PDE1C: variants seen among roughly 807,000 people sequenced by gnomAD.
The protein encoded by PDE1C is phosphodiesterase 1C.
A neutral mutation model predicts 93.1 loss-of-function variants in PDE1C; 62 were observed. That is an observed-to-expected ratio of 0.67 (90% CI 0.54 to 0.82). The LOEUF is 0.82. PDE1C is among the 40% of genes least tolerant of loss of function. PDE1C has a pLI of 0.00. For synonymous variants in PDE1C, 325 were observed against 310.1 expected (o/e 1.05, Z -0.50); for missense variants, 742 against 884.6 (o/e 0.84, Z 2.04).
intron 2 of PDE1C, among the ~76,000 whole-genome samples, chr7:31,970,359 A>T (rs1810770710): frequency 1.3e-5 from 2 of 152,198 alleles, no homozygotes; most frequent in African/African-American, 4.8e-5. Context: ...AACTTCTCAA[A>T]TAGTGAAAAC....
chr7:32,000,702 C>T (rs1346618784), intron 2 of PDE1C, among the ~76,000 whole-genome samples: 5 of 152,222 alleles, frequency 3.3e-5, no homozygotes, highest in African/African-American at 1.2e-4. Flanking sequence ...CTCTTCATAT[C>T]CCCAGCCTTG....
intron 15 of PDE1C, among the ~76,000 whole-genome samples, chr7:31,813,898 A>G (rs770837279): frequency 6.6e-5 from 10 of 152,098 alleles, no homozygotes; most frequent in Non-Finnish European, 1.3e-4. Flanking sequence ...ATGTGTGAGA[A>G]TATACAATGT....
intron 2 of PDE1C, among the ~76,000 whole-genome samples, chr7:32,023,626 GT>G (rs1463291639): frequency 1.5e-5 from 2 of 136,724 alleles, no homozygotes; most frequent in African/African-American, 2.6e-5. Flanking sequence ...GGTATCTACA[GT>G]TTATGCTGCG....
At chr7:32,026,764 C>A (rs1199244305) in intron 2 of PDE1C, among the ~76,000 whole-genome samples, 1 of 151,996 alleles carries the variant, frequency 6.6e-6, no homozygotes, top group Non-Finnish European at 1.5e-5. Context: ...ACCAAGATGT[C>A]CTTTTATAGG....
intron 16 of PDE1C, among the ~76,000 whole-genome samples, chr7:31,793,719 A>T (rs1484296464): frequency 6.6e-6 from 1 of 151,754 alleles, no homozygotes; most frequent in Non-Finnish European, 1.5e-5. Flanking sequence ...AAGAAAAAAC[A>T]ATTTTAAAGT....
intron 1 of PDE1C, among the ~76,000 whole-genome samples, chr7:32,284,633 G>C (rs1368176116): frequency 2.0e-5 from 3 of 152,076 alleles, no homozygotes; most frequent in Non-Finnish European, 2.9e-5. Flanking sequence ...TCTCTGTCTA[G>C]AATGTTCCCA....
chr7:32,385,459 T>G (rs1004669369), intron 1 of PDE1C, among the ~76,000 whole-genome samples: 3 of 152,064 alleles, frequency 2.0e-5, no homozygotes, highest in Non-Finnish European at 4.4e-5. Flanking sequence ...ATCAGGGTGT[T>G]CCTTGGCACT....
intron 16 of PDE1C, among the ~76,000 whole-genome samples, chr7:31,783,106 C>G (rs992756588): frequency 3.3e-5 from 5 of 152,078 alleles, no homozygotes; most frequent in African/African-American, 1.2e-4. Flanking sequence ...GAAAATATTG[C>G]CAAATATACC....
At chr7:32,295,629 C>T (rs576181368) in intron 1 of PDE1C, among the ~76,000 whole-genome samples, 16 of 152,244 alleles carry the variant, frequency 1.1e-4, no homozygotes, top group Admixed American at 4.6e-4. Context: ...CAGTGGCTCA[C>T]GCCTGTAATC....
At chr7:32,161,830 C>T (rs1801944467) in intron 3 of PDE1C, among the ~76,000 whole-genome samples, 1 of 152,156 alleles carries the variant, frequency 6.6e-6, no homozygotes, top group African/African-American at 2.4e-5. Context: ...ATGAATAACT[C>T]ACACTTTGTA....
chr7:32,055,759 C>T (rs1330223852), intron 1 of PDE1C, among the ~76,000 whole-genome samples: 4 of 152,178 alleles, frequency 2.6e-5, no homozygotes, highest in South Asian at 2.1e-4. Context: ...CTCACTCTGT[C>T]GCCCAGGCTG....
chr7:31,736,214 G>T, the PDE1C span, among the ~76,000 whole-genome samples: 2 of 152,184 alleles, frequency 1.3e-5, no homozygotes, highest in South Asian at 2.1e-4. Flanking sequence ...TGTACCAGCA[G>T]GTACTCCCTG....
At chr7:31,939,233 G>A (rs57516262) in intron 2 of PDE1C, among the ~76,000 whole-genome samples, 15,137 of 148,792 alleles carry the variant, frequency 0.1, 1,720 homozygotes, top group African/African-American at 0.3. Context: ...GAAGAAGAAG[G>A]AGGAGGAGGA....
intron 2 of PDE1C, among the ~76,000 whole-genome samples, chr7:32,040,245 C>G (rs968441503): frequency 6.6e-6 from 1 of 152,132 alleles, no homozygotes; most frequent in East Asian, 1.9e-4. Flanking sequence ...CTCTTTTAAC[C>G]CTTACAACAA....
At chr7:32,024,372 C>A (rs539799855) in intron 2 of PDE1C, among the ~76,000 whole-genome samples, 3 of 151,042 alleles carry the variant, frequency 2.0e-5, no homozygotes, top group East Asian at 3.9e-4. Flanking sequence ...AAGGTATATA[C>A]AGATATGTAG....
At chr7:32,197,756 A>G (rs1804720816) in intron 2 of PDE1C, among the ~76,000 whole-genome samples, 1 of 152,188 alleles carries the variant, frequency 6.6e-6, no homozygotes. Flanking sequence ...AGGCAAATCT[A>G]TAAGAAAAGA....
At chr7:31,954,141 G>C (rs756045728) in intron 2 of PDE1C, among the ~76,000 whole-genome samples, 2 of 152,220 alleles carry the variant, frequency 1.3e-5, no homozygotes. Flanking sequence ...ACTTGTTGCT[G>C]GGAATTGGCT....
At chr7:31,957,648 T>G (rs1051985244) in intron 2 of PDE1C, among the ~76,000 whole-genome samples, 2 of 152,218 alleles carry the variant, frequency 1.3e-5, no homozygotes, top group African/African-American at 2.4e-5. Flanking sequence ...TGGGAAACAC[T>G]GGGCCATATT....
chr7:31,658,212 A>G, the PDE1C span: 1 of 1,424,854 alleles, frequency 7.0e-7, no homozygotes, highest in Non-Finnish European at 9.2e-7. Context: ...CCACAGAAGA[A>G]CACTTCCCAG....
Sources: allele counts gnomAD v4.1 joint callset (sites outside exome capture counted in the v4.1 genomes callset), GRCh38; gene constraint gnomAD v4.1.1; transcripts MANE v1.5; gene names NCBI Gene and HGNC (gene_info 2026-07-23, HGNC 2026-07-21).